ADCY1: variants seen among roughly 807,000 people sequenced by gnomAD.
ADCY1 encodes the protein adenylate cyclase type 1.
A neutral mutation model predicts 105.4 loss-of-function variants in ADCY1; 28 were observed. The observed-to-expected ratio is 0.27, with a 90% CI of 0.20 to 0.36. The LOEUF is 0.36. Ranked by LOEUF, ADCY1 falls within the 10% of genes least tolerant of loss-of-function variation. ADCY1 has a pLI of 1.00. For synonymous variants in ADCY1, 655 were observed against 623.8 expected, an observed-to-expected ratio of 1.05 and a Z score of -0.75; for missense variants, 977 against 1,434.2, an observed-to-expected ratio of 0.68 and a Z score of 5.15.
intron 8 of ADCY1, among the ~76,000 whole-genome samples, chr7:45,675,379 T>C (rs1172918293): frequency 6.6e-6 from 1 of 152,154 alleles, no homozygotes; most frequent in Admixed American, 6.5e-5. Context: ...GACAAATTTA[T>C]AATCTTTGGT....
chr7:45,685,755 T>C (rs535176014), intron 12 of ADCY1, among the ~76,000 whole-genome samples: 1 of 152,332 alleles, frequency 6.6e-6, no homozygotes, highest in South Asian at 2.1e-4. Flanking sequence ...TGGTCCTCCC[T>C]GGAGCCTCTT....
At chr7:45,588,702 T>G (rs1792807859) in intron 1 of ADCY1, among the ~76,000 whole-genome samples, 2 of 152,124 alleles carry the variant, frequency 1.3e-5, no homozygotes, top group Admixed American at 1.3e-4. Flanking sequence ...ATGCTGGTGC[T>G]CAGTCTAGCA....
chr7:45,692,338 G>A (rs1351829165), intron 14 of ADCY1, among the ~76,000 whole-genome samples: 2 of 152,210 alleles, frequency 1.3e-5, no homozygotes, highest in Admixed American at 1.3e-4. Context: ...CTGTGCTGGG[G>A]ACGCTCACAT....
chr7:45,652,774 G>T (rs186736081), intron 5 of ADCY1, among the ~76,000 whole-genome samples: 1 of 152,182 alleles, frequency 6.6e-6, no homozygotes, highest in Admixed American at 6.5e-5. Flanking sequence ...GCATCTCTTT[G>T]TAAAGACATG....
intron 3 of ADCY1, 69 bp downstream of exon 3, chr7:45,610,566 T>A: frequency 7.3e-7 from 1 of 1,369,854 alleles, no homozygotes; most frequent in Non-Finnish European, 1.0e-6. Flanking sequence ...ATGGTGAAGG[T>A]GGGGAGGTGA....
At chr7:45,608,337 CA>C (rs1216430360) in intron 2 of ADCY1, among the ~76,000 whole-genome samples, 1 of 152,186 alleles carries the variant, frequency 6.6e-6, no homozygotes, top group Non-Finnish European at 1.5e-5. Flanking sequence ...GGAACATTTC[CA>C]AAGCTTCCAC....
intron 5 of ADCY1, among the ~76,000 whole-genome samples, chr7:45,654,350 A>G (rs1276509379): frequency 6.6e-6 from 1 of 152,252 alleles, no homozygotes; most frequent in Non-Finnish European, 1.5e-5. Context: ...GACTCAATCC[A>G]GATGCCTTGC....
At chr7:45,651,345 C>A (rs1457483470) in intron 5 of ADCY1, among the ~76,000 whole-genome samples, 2 of 152,186 alleles carry the variant, frequency 1.3e-5, no homozygotes, top group African/African-American at 4.8e-5. Context: ...TCTGGTGCAT[C>A]CCCTGCCAGC....
intron 14 of ADCY1, among the ~76,000 whole-genome samples, chr7:45,696,988 TGG>T (rs1784895230): frequency 6.6e-6 from 1 of 152,032 alleles, no homozygotes; most frequent in South Asian, 2.1e-4. Flanking sequence ...CTGGAGGAGG[TGG>T]TATTGGACCA....
chr7:45,574,955 T>C lies in ADCY1; in HGVS notation c.412T>C (p.Cys138Arg). Residue 138 changes from cysteine to arginine, a missense_variant, in exon 1 of 20, where the codon TGT (cysteine) becomes CGT (arginine). Around this residue, in one of 7 missense-constraint regions of ADCY1, gnomAD observed 209 missense variants for 222.5 expected, o/e 0.94. Coordinates refer to ENST00000297323, the MANE Select transcript of ADCY1 (RefSeq NM_021116.4). The surrounding 1 kb of genome is among the most constrained non-coding windows in gnomAD (Gnocchi z 7.0). ...LFSLTFALLC[C>R]PFALGGPARG... ...CAGCCTCACCTTCGCGCTGCTCTGC[T>C]GTCCTTTCGCGCTGGGCGGCCCCGC... 1.2e-6 allele frequency: 2 copies of C among 1,611,844 alleles called. No homozygotes were observed. The highest frequency in any genetic ancestry group is 1.7e-6 in the Non-Finnish European group (2 of 1,179,578).
rs187507708 is a variant in ADCY1 at position 45,640,150 on chromosome 7, A to G, written c.1021-8520A>G. On this transcript the variant is annotated intron_variant, in intron 4 of 19. Coordinates refer to ENST00000297323, the MANE Select transcript of ADCY1 (RefSeq NM_021116.4). ...GCGAACATTCATGGCTTTATGGTGC[A>G]GTTGTTACTCAACTGAACCTAGCTT... Among the ~76,000 whole-genome samples, 207 of 152,322 alleles carry G rather than the reference A, an allele frequency of 1.4e-3. 2 individuals carry two copies. Among genetic ancestry groups the G allele is most frequent in the Non-Finnish European group, 2.1e-3 (141 of 68,036 alleles).
At position 45,655,696 on chromosome 7, in the gene ADCY1, T is replaced by C. The variant is rs1033206307; in HGVS notation, c.1149-2031T>C. On this transcript the variant is annotated intron_variant, in intron 5 of 19. Coordinates refer to ENST00000297323, the MANE Select transcript of ADCY1 (RefSeq NM_021116.4). ...GTAGAACATGGTGGCGTGGATTTGG[T>C]TGGAGGCTGGTCGAGGTGCCACTTG... 4.0e-4 allele frequency among the ~76,000 whole-genome samples: 61 copies of C among 152,056 alleles called. 1 individual carries two copies. The highest frequency in any genetic ancestry group is 1.4e-3 in the African/African-American group (60 of 41,388).
chr7:45,649,528 A>G (rs1212507388), intron 5 of ADCY1, among the ~76,000 whole-genome samples: 2 of 152,252 alleles, frequency 1.3e-5, no homozygotes, highest in African/African-American at 2.4e-5. Flanking sequence ...AAGTAGTAGC[A>G]TAAGAATTTT....
chr7:45,634,237 C>T (rs1794338012), intron 4 of ADCY1, among the ~76,000 whole-genome samples: 1 of 152,038 alleles, frequency 6.6e-6, no homozygotes, highest in African/African-American at 2.4e-5. Flanking sequence ...TGTTTTCTTG[C>T]CTTCTTTTAC....
chr7:45,601,219 G>A (rs921601980), intron 2 of ADCY1, among the ~76,000 whole-genome samples: 6 of 152,084 alleles, frequency 3.9e-5, no homozygotes, highest in Non-Finnish European at 7.4e-5. Flanking sequence ...CTGGGGGGAC[G>A]GTCCCTTCCT....
chr7:45,666,709 T>A (rs1784267469), intron 8 of ADCY1, among the ~76,000 whole-genome samples: 1 of 152,216 alleles, frequency 6.6e-6, no homozygotes, highest in Non-Finnish European at 1.5e-5. Context: ...CCACACTGTC[T>A]TCCACAATGG....
In ADCY1 at chr7:45,638,776, A is replaced by G. The variant is rs576866745; in HGVS notation, c.1021-9894A>G. On this transcript the variant is annotated intron_variant, in intron 4 of 19. Coordinates refer to ENST00000297323, the MANE Select transcript of ADCY1 (RefSeq NM_021116.4). ...GTCTTTTAAATGCTTTGGTCTCCATAGGGGCATTATATGCAGGAAAGAGCT... is the reference window on the plus strand; with the variant it reads ...GTCTTTTAAATGCTTTGGTCTCCATGGGGGCATTATATGCAGGAAAGAGCT... Among the ~76,000 whole-genome samples the G allele has an allele frequency of 2.0e-5, 3 of 152,190 alleles. No homozygotes were observed. The South Asian group carries it at 6.2e-4, about 32-fold the overall frequency.
chr7:45,701,271 G>A (rs1784989552), intron 14 of ADCY1, among the ~76,000 whole-genome samples: 1 of 152,122 alleles, frequency 6.6e-6, no homozygotes, highest in Non-Finnish European at 1.5e-5. Context: ...CACAGGGAAA[G>A]ACAGACGTTT....
chr7:45,693,318 G>A (rs1784817716), intron 14 of ADCY1, among the ~76,000 whole-genome samples: 1 of 145,878 alleles, frequency 6.9e-6, no homozygotes, highest in Non-Finnish European at 1.5e-5. Context: ...GTCTCTGCCC[G>A]GCTTTGGTAT....
Sources: gnomAD v4.1 joint callset for allele counts (sites outside exome capture counted in the v4.1 genomes callset) on GRCh38, gnomAD v4.1.1 for gene constraint, gnomAD v4.1.1 regional missense constraint, Gnocchi (gnomAD v3.1) non-coding constraint, MANE v1.5 for transcripts, NCBI Gene and HGNC (gene_info 2026-07-23, HGNC 2026-07-21) for gene names.